The following PHACTR1 variants were observed in gnomAD, a reference collection of about 807,000 sequenced individuals.
PHACTR1 encodes phosphatase and actin regulator 1, also known as RPEL repeat containing 1.
In PHACTR1, 16 loss-of-function variants were observed where a neutral mutation model predicts 69.2. The ratio of observed to expected loss-of-function variants is 0.23; its 90% CI spans 0.16 to 0.35. The LOEUF (loss-of-function observed/expected upper bound fraction) is 0.35, where lower values mean the gene tolerates loss of function less well. Among genes scored for constraint, PHACTR1 ranks in the 10% least tolerant of loss-of-function variants. The pLI, the probability that PHACTR1 is intolerant of heterozygous loss-of-function variation, is 1.00. For missense variants in PHACTR1, 510 were observed against 734.7 expected (o/e 0.69, Z 3.54); for synonymous variants, 312 against 284.5 (o/e 1.10, Z -0.97).
chr6:12,731,796 T>C (rs892744892), intron 3 of PHACTR1, among the ~76,000 whole-genome samples: 4 of 152,192 alleles, frequency 2.6e-5, no homozygotes, highest in Non-Finnish European at 5.9e-5. Flanking sequence ...CTATGTTATC[T>C]TGGCGACCAT....
At chr6:12,894,672 G>C (rs9296512) in intron 4 of PHACTR1, among the ~76,000 whole-genome samples, 90,609 of 152,002 alleles carry the variant, frequency 0.6, 27,625 homozygotes, top group East Asian at 0.91. Flanking sequence ...TAACCACATA[G>C]TAGAGTTAGA....
At chr6:13,202,758 T>G (rs1312706455) in intron 7 of PHACTR1, among the ~76,000 whole-genome samples, 3 of 152,244 alleles carry the variant, frequency 2.0e-5, no homozygotes, top group African/African-American at 7.2e-5. Flanking sequence ...ATTACAGGCG[T>G]GGGCCACCGC....
At chr6:13,196,955 T>C (rs1019665373) in intron 7 of PHACTR1, among the ~76,000 whole-genome samples, 2 of 150,978 alleles carry the variant, frequency 1.3e-5, no homozygotes, top group Non-Finnish European at 2.9e-5. Flanking sequence ...CTCTCTGTTG[T>C]TTTTTTGGCT....
chr6:13,159,294 G>A (rs55775344), intron 5 of PHACTR1, among the ~76,000 whole-genome samples: 61,054 of 152,044 alleles, frequency 0.4, 12,947 homozygotes, highest in Middle Eastern at 0.48. Flanking sequence ...TGGAGGGGCC[G>A]TGCCATGGAA....
intron 4 of PHACTR1, among the ~76,000 whole-genome samples, chr6:12,790,440 T>C (rs1448735527): frequency 1.3e-5 from 2 of 152,188 alleles, no homozygotes; most frequent in Non-Finnish European, 2.9e-5. Flanking sequence ...CTCCCTCAAG[T>C]TCTTGCAGAA....
chr6:12,943,794 G>T (rs947373465), intron 4 of PHACTR1, among the ~76,000 whole-genome samples: 1 of 152,184 alleles, frequency 6.6e-6, no homozygotes, highest in Non-Finnish European at 1.5e-5. Context: ...ATTTATAAAG[G>T]TTGTAAAACA....
chr6:12,965,451 C>CATTTTTTTTTT (rs60864787), intron 4 of PHACTR1, among the ~76,000 whole-genome samples: 2 of 131,950 alleles, frequency 1.5e-5, no homozygotes, highest in Non-Finnish European at 1.6e-5. Flanking sequence ...TATTTTGTGC[C>CATTTTTTTTTT]TTTTTTTTTT....
At chr6:12,840,766 T>C (rs1434131969) in intron 4 of PHACTR1, among the ~76,000 whole-genome samples, 2 of 152,244 alleles carry the variant, frequency 1.3e-5, no homozygotes, top group East Asian at 1.9e-4. Context: ...TTTATGTCTA[T>C]TCAAAGGTAG....
chr6:13,169,865 G>T (rs1469967889), intron 6 of PHACTR1, among the ~76,000 whole-genome samples: 1 of 152,222 alleles, frequency 6.6e-6, no homozygotes, highest in Non-Finnish European at 1.5e-5. Flanking sequence ...AAAGTCTGCA[G>T]GCTAATAATT....
chr6:12,751,476 T>C (rs932398847), intron 4 of PHACTR1, among the ~76,000 whole-genome samples: 18 of 152,352 alleles, frequency 1.2e-4, no homozygotes, highest in Admixed American at 1.1e-3. Context: ...ATTAGTCTAT[T>C]GACCCCTTTG....
At chr6:13,214,506 A>G (rs1051067364) in intron 8 of PHACTR1, among the ~76,000 whole-genome samples, 1 of 152,248 alleles carries the variant, frequency 6.6e-6, no homozygotes, top group African/African-American at 2.4e-5. Context: ...GAGAGGGGTC[A>G]TCATCCTTAG....
chr6:13,047,946 C>G (rs919526896), intron 4 of PHACTR1, among the ~76,000 whole-genome samples: 2 of 152,114 alleles, frequency 1.3e-5, no homozygotes, highest in Admixed American at 6.5e-5. Context: ...CCCAGGTTGC[C>G]ACCAGGGCTG....
At chr6:13,008,723 C>T (rs1014335041) in intron 4 of PHACTR1, among the ~76,000 whole-genome samples, 3 of 152,218 alleles carry the variant, frequency 2.0e-5, no homozygotes, top group Non-Finnish European at 4.4e-5. Flanking sequence ...ACTTTTTAAC[C>T]TTGTTCTTAA....
At chr6:13,029,732 C>T (rs914817219) in intron 4 of PHACTR1, among the ~76,000 whole-genome samples, 1 of 152,212 alleles carries the variant, frequency 6.6e-6, no homozygotes, top group South Asian at 2.1e-4. Context: ...TTTCACCATA[C>T]GGTCTCTGTT....
At chr6:12,803,628 T>C (rs536107464) in intron 4 of PHACTR1, among the ~76,000 whole-genome samples, 6 of 152,354 alleles carry the variant, frequency 3.9e-5, no homozygotes, top group African/African-American at 1.2e-4. Context: ...ATATCAGGAA[T>C]GCAACTATTT....
chr6:13,152,347 T>A (rs1057417336), intron 5 of PHACTR1, among the ~76,000 whole-genome samples: 8 of 151,412 alleles, frequency 5.3e-5, no homozygotes, highest in East Asian at 3.9e-4. Context: ...AAAAAAAAAA[T>A]TCATCAATGT....
chr6:12,762,965 G>C (rs183526826), intron 4 of PHACTR1, among the ~76,000 whole-genome samples: 2,128 of 152,256 alleles, frequency 0.014, 57 homozygotes, highest in African/African-American at 0.049. Context: ...TGGAATCCCA[G>C]CACTTTGGAA....
At position 13,182,509 on chromosome 6, in the gene PHACTR1, T is replaced by A; in HGVS notation, c.497-10T>A. The A allele has an allele frequency of 6.2e-7, 1 of 1,613,554 alleles. No individual in the cohort carries two copies. Among genetic ancestry groups the A allele is most frequent in the Non-Finnish European group, 8.5e-7 (1 of 1,179,496 alleles). On this transcript the variant is annotated splice_polypyrimidine_tract_variant and intron_variant, in intron 6 of 14. Transcript: ENST00000332995. ...TGTCTAACTCTGCAATCTCCTTTTCTCTCTGACAGATGGGGAACTCTCTAT... is the reference window on the plus strand; with the variant it reads ...TGTCTAACTCTGCAATCTCCTTTTCACTCTGACAGATGGGGAACTCTCTAT...
intron 5 of PHACTR1, among the ~76,000 whole-genome samples, chr6:13,146,253 A>G (rs368435190): frequency 6.6e-6 from 1 of 152,252 alleles, no homozygotes; most frequent in Non-Finnish European, 1.5e-5. Context: ...AAGTGTTACC[A>G]TGGTGATAAT....
Sources: gnomAD v4.1 joint callset for allele counts (sites outside exome capture counted in the v4.1 genomes callset) on GRCh38, gnomAD v4.1.1 for gene constraint, MANE v1.5 for transcripts, NCBI Gene and HGNC (gene_info 2026-07-23, HGNC 2026-07-21) for gene names.